Variants in COL4A6 observed in about 807,000 individuals in gnomAD.
COL4A6 encodes the protein collagen alpha-6(IV) chain.
Under a neutral mutation model 126.7 loss-of-function variants are expected in COL4A6, and 59 were observed. That is an observed-to-expected ratio of 0.47 (90% CI 0.38 to 0.58). COL4A6 has a LOEUF of 0.58. COL4A6 is among the 20% of genes least tolerant of loss of function. The pLI, the probability that COL4A6 is intolerant of heterozygous loss-of-function variation, is 0.00. For missense variants in COL4A6, 1,285 were observed against 1,337.3 expected (o/e 0.96, Z 0.61); for synonymous variants, 547 against 496.6 (o/e 1.10, Z -1.35).
Position 108,297,043 on chromosome X carries a change from G to A in COL4A6, c.144+13705C>T, listed in dbSNP as rs6616683. ...TTTATAAGAAAGGAGTGGTAGCAAC[G>A]AAAGCCTGATTAGAATAGGTTCAAG... On this transcript the variant is annotated intron_variant, in intron 3 of 44. Coordinates refer to ENST00000334504, the MANE Select transcript of COL4A6 (RefSeq NM_033641.4). Among the ~76,000 whole-genome samples, 272 of 112,142 alleles carry A rather than the reference G, an allele frequency of 2.4e-3. 11 individuals carry two copies. In the East Asian group the frequency reaches 0.062, roughly 25 times the overall value.
chrX:108,212,551 A>G (rs1044063857), intron 6 of COL4A6, among the ~76,000 whole-genome samples: 7 of 112,004 alleles, frequency 6.2e-5, no homozygotes, highest in African/African-American at 2.3e-4. Flanking sequence ...GGTAGGGCTA[A>G]GCTTTGTGGA....
intron 3 of COL4A6, among the ~76,000 whole-genome samples, chrX:108,277,069 G>A (rs1454621595): frequency 8.9e-6 from 1 of 112,219 alleles, no homozygotes; most frequent in East Asian, 2.8e-4. Context: ...CCCAGCGTGA[G>A]CGATGCAGAA....
intron 2 of COL4A6, among the ~76,000 whole-genome samples, chrX:108,384,383 G>C (rs1315869733): frequency 8.9e-6 from 1 of 112,477 alleles, no homozygotes; most frequent in African/African-American, 3.2e-5. Context: ...GCAGGGGCAA[G>C]GCAATGAATG....
intron 3 of COL4A6, among the ~76,000 whole-genome samples, chrX:108,255,020 G>A (rs188832475): frequency 9.2e-6 from 1 of 108,630 alleles, no homozygotes; most frequent in Non-Finnish European, 1.9e-5. Flanking sequence ...GGGAAAAAGT[G>A]AACTCTGCCC....
At chrX:108,407,775 A>T (rs2041234872) in intron 2 of COL4A6, among the ~76,000 whole-genome samples, 1 of 112,371 alleles carries the variant, frequency 8.9e-6, no homozygotes, top group South Asian at 3.7e-4. Context: ...TGAGCTAAGG[A>T]ATCTACTTAC....
chrX:108,376,447 A>G (rs1243230466), intron 2 of COL4A6, among the ~76,000 whole-genome samples: 3 of 110,636 alleles, frequency 2.7e-5, no homozygotes, highest in Non-Finnish European at 5.7e-5. Context: ...ATACAAAAAA[A>G]AAAAAAATTT....
At chrX:108,192,389 C>T (rs924102615) in intron 18 of COL4A6, 84 bp downstream of exon 18, 14 of 680,030 alleles carry the variant, frequency 2.1e-5, no homozygotes, top group East Asian at 1.4e-4. Context: ...GTGTGTGCCC[C>T]GACCCAGAGG....
chrX:108,420,580 T>C (rs924115143), intron 2 of COL4A6, among the ~76,000 whole-genome samples: 7 of 111,793 alleles, frequency 6.3e-5, no homozygotes, highest in African/African-American at 2.3e-4. Context: ...GCCTTAGTGC[T>C]TCTCAGAGGA....
rs778576053 is a variant in COL4A6, at chrX:108,438,161, G to T, written c.11+25C>A. ...GTAACCCGAAGTAAGAAAGAGGAGG[G>T]GAGCTCGGGGCAGCAACAGCTCACC... On this transcript the variant is annotated intron_variant, in intron 1 of 44. Transcript: ENST00000334504. 5.0e-6 allele frequency: 6 copies of T among 1,206,703 alleles called. No homozygotes were observed. The East Asian group carries it at 1.8e-4, about 36-fold the overall frequency.
intron 3 of COL4A6, chrX:108,268,954 C>T: frequency 3.7e-6 from 1 of 270,616 alleles, no homozygotes; most frequent in East Asian, 1.0e-4. Flanking sequence ...AGGCCACTTG[C>T]TTATCTTCTG....
At chrX:108,320,042 G>A (rs1435711751) in intron 2 of COL4A6, among the ~76,000 whole-genome samples, 1 of 111,684 alleles carries the variant, frequency 9.0e-6, no homozygotes, top group Non-Finnish European at 1.9e-5. Context: ...ACAGATGCAG[G>A]TAGGGTAGTT....
Position 108,192,594 on chromosome X carries a change from G to A in COL4A6, c.1073-14C>T, listed in dbSNP as rs751683625. The A allele has an allele frequency of 3.6e-6, 4 of 1,104,251 alleles. No homozygotes were observed. Among genetic ancestry groups the A allele is most frequent in the Non-Finnish European group, 3.7e-6 (3 of 806,362 alleles). The allele number at this position is 1,104,251 out of a possible 1,213,427, so 91.0% of individuals were successfully genotyped here. On this transcript the variant is annotated splice_polypyrimidine_tract_variant and intron_variant, in intron 17 of 44. Coordinates refer to ENST00000334504, the MANE Select transcript of COL4A6 (RefSeq NM_033641.4). ...CTCCAGGATTACCTGGCATTGTAAT[G>A]AAAGAAAATAGTAAATAAAGACAGA...
intron 40 of COL4A6, 108 bp from the exon 41 acceptor site, chrX:108,163,146 T>G: frequency 1.5e-6 from 1 of 682,222 alleles, no homozygotes; most frequent in Non-Finnish European, 2.2e-6. Context: ...TCTATCCTGT[T>G]TGTCCCCACA....
chrX:108,221,621 T>C (rs759880231), intron 3 of COL4A6, among the ~76,000 whole-genome samples: 1 of 112,667 alleles, frequency 8.9e-6, no homozygotes, highest in East Asian at 2.8e-4. Flanking sequence ...TCCTTCAACT[T>C]TGTACTTCTT....
chrX:108,190,563 C>T, intron 19 of COL4A6, 67 bp from the exon 20 acceptor site: 2 of 663,084 alleles, frequency 3.0e-6, no homozygotes, highest in Non-Finnish European at 2.3e-6. Context: ...TGACTCAACA[C>T]AGCAGCTCAA....
chrX:108,175,846 G>A (rs781151101), intron 28 of COL4A6, 49 bp from the exon 29 acceptor site: 1 of 1,069,998 alleles, frequency 9.3e-7, no homozygotes, highest in South Asian at 2.1e-5. Context: ...TACATACCAG[G>A]AAATGGAGGC....
intron 18 of COL4A6, 36 bp from the exon 19 acceptor site, chrX:108,191,569 A>T: frequency 8.4e-7 from 1 of 1,187,024 alleles, no homozygotes; most frequent in South Asian, 1.9e-5. Context: ...TGCTCATTAT[A>T]TCACCTTACT....
chrX:108,260,698 C>G (rs183598065), intron 3 of COL4A6, among the ~76,000 whole-genome samples: 98 of 110,466 alleles, frequency 8.9e-4, no homozygotes, highest in Non-Finnish European at 1.5e-3. Flanking sequence ...TGAAAATGGA[C>G]TAATGCAGTA....
intron 2 of COL4A6, among the ~76,000 whole-genome samples, chrX:108,317,051 C>G (rs1280457127): frequency 8.9e-6 from 1 of 112,438 alleles, no homozygotes; most frequent in African/African-American, 3.2e-5. Context: ...GGGGCAAGCA[C>G]AGAAGCAGAA....
Sources: gnomAD v4.1 joint callset for allele counts (sites outside exome capture counted in the v4.1 genomes callset) on GRCh38, gnomAD v4.1.1 for gene constraint, MANE v1.5 for transcripts, NCBI Gene and HGNC (gene_info 2026-07-23, HGNC 2026-07-21) for gene names.